The following AGAP3 variants were observed in gnomAD, a reference collection of about 807,000 sequenced individuals.
AGAP3 encodes ArfGAP with GTPase domain, ankyrin repeat and PH domain 3, also known as arf-GAP with GTPase, ANK repeat and PH domain-containing protein 3.
In AGAP3, 24 loss-of-function variants were observed where a neutral mutation model predicts 96.9. The observed-to-expected ratio is 0.25, with a 90% CI of 0.18 to 0.35. The LOEUF (loss-of-function observed/expected upper bound fraction) is 0.35, where lower values mean the gene tolerates loss of function less well. AGAP3 is among the 10% of genes least tolerant of loss of function. AGAP3 has a pLI of 1.00. For missense variants in AGAP3, 876 were observed against 1,254.2 expected, an observed-to-expected ratio of 0.70 and a Z score of 4.55; for synonymous variants, 563 against 536.1, an observed-to-expected ratio of 1.05 and a Z score of -0.69.
chr7:151,094,218 G>C (rs1798508741), intron 1 of AGAP3, among the ~76,000 whole-genome samples: 1 of 130,290 alleles, frequency 7.7e-6, no homozygotes, highest in Non-Finnish European at 1.6e-5. Flanking sequence ...TGAAATATCA[G>C]GCATTATTCT....
intron 1 of AGAP3, among the ~76,000 whole-genome samples, chr7:151,094,470 G>A (rs1295742333): frequency 6.8e-6 from 1 of 146,306 alleles, no homozygotes; most frequent in Non-Finnish European, 1.5e-5. Context: ...TTCTTCATCT[G>A]ATACGTAAGA....
chr7:151,094,931 G>C (rs138157674), intron 1 of AGAP3, among the ~76,000 whole-genome samples: 1 of 151,532 alleles, frequency 6.6e-6, no homozygotes, highest in Admixed American at 6.6e-5. Flanking sequence ...CTGGAGTGTA[G>C]TGACGCGATC....
In AGAP3 at chr7:151,134,382, C is replaced by T. The variant is rs1378608539; in HGVS notation, c.1327-18C>T. ...GCTGCTAACCAGTCTTCATCTGTCTCTCCCACCCGGCCTGCAGGATTACAT... is the reference window on the plus strand; with the variant it reads ...GCTGCTAACCAGTCTTCATCTGTCTTTCCCACCCGGCCTGCAGGATTACAT... On this transcript the variant is annotated intron_variant, in intron 10 of 17. Transcript: ENST00000397238. The T allele has an allele frequency of 1.2e-6, 2 of 1,613,266 alleles. No homozygotes were observed.
At chr7:151,106,570 C>T (rs927432552) in intron 1 of AGAP3, among the ~76,000 whole-genome samples, 1 of 152,142 alleles carries the variant, frequency 6.6e-6, no homozygotes, top group Non-Finnish European at 1.5e-5. Context: ...CTTCTCCTCC[C>T]GGGTTCAAGC....
In AGAP3 at chr7:151,117,770, C is replaced by A; in HGVS notation, c.699C>A (p.Gly233=). The A allele has an allele frequency of 6.2e-7, 1 of 1,613,466 alleles. No homozygotes were observed. Residue 233 remains glycine, a synonymous_variant, in exon 5 of 18, where the codon GGC becomes GGA. Coordinates refer to ENST00000397238, the MANE Select transcript of AGAP3 (RefSeq NM_031946.7). ...GCGAGGTGCCCATGGTGCTTGTGGG[C>A]ACGCAGGGTGAGGCGGGGCCCTGCA... ...NASEVPMVLV[G]TQDAISAANP... is the part of the protein sequence containing the mutation.
chr7:151,129,469 C>T (rs1194273426), intron 10 of AGAP3, among the ~76,000 whole-genome samples: 1 of 152,178 alleles, frequency 6.6e-6, no homozygotes, highest in African/African-American at 2.4e-5. Flanking sequence ...ACCGCCCAGA[C>T]AGCCCTGCGG....
chr7:151,115,169 C>T, intron 1 of AGAP3: 1 of 1,018,106 alleles, frequency 9.8e-7, no homozygotes. Flanking sequence ...TGGAGGTGAA[C>T]CGCCTGGAGC....
rs1799464598 is a variant in AGAP3, at chr7:151,114,800, C to A, written c.332-1993C>A. The stretch of plus-strand genomic sequence containing the variant: ...AGCGGGGCTGGCCGCAGGGGGACAG[C>A]TGTCCCGGGGAGCGGCCCGCCGCTT... On this transcript the variant is annotated intron_variant, in intron 1 of 17. Transcript: ENST00000397238. This position sits in a 1 kb window ranked among gnomAD's most constrained non-coding sequence, Gnocchi z 4.4. 2 of 1,049,036 alleles carry A rather than the reference C, an allele frequency of 1.9e-6. No homozygotes were observed. Among genetic ancestry groups the A allele is most frequent in the Non-Finnish European group, 2.3e-6 (2 of 872,968 alleles). 65.0% of individuals were successfully genotyped at this position (1,049,036 alleles called of 1,614,324 possible).
Position 151,141,840 on chromosome 7 carries a change from A to G in AGAP3, c.1805-58A>G. 1.2e-6 allele frequency: 2 copies of G among 1,603,358 alleles called. No individual in the cohort carries two copies. Among genetic ancestry groups the G allele is most frequent in the East Asian group, 2.2e-5 (1 of 44,834 alleles). On this transcript the variant is annotated intron_variant, in intron 13 of 17. Transcript: ENST00000397238. This position sits in a 1 kb window ranked among gnomAD's most constrained non-coding sequence, Gnocchi z 4.2. ...TAGTGAGTGGAGTTGTGGCGATAGC[A>G]TGCCCTGGGTGTGCACGCAGGCCAG...
intron 9 of AGAP3, among the ~76,000 whole-genome samples, chr7:151,125,707 C>G (rs1198605626): frequency 6.6e-6 from 1 of 152,250 alleles, no homozygotes; most frequent in Non-Finnish European, 1.5e-5. Flanking sequence ...CCTTGCTCCG[C>G]CCTCCTGTCC....
In AGAP3 at chr7:151,133,024, A is replaced by C. The variant is rs1276074180; in HGVS notation, c.1327-1376A>C. Among the ~76,000 whole-genome samples the C allele has an allele frequency of 6.6e-6, 1 of 152,160 alleles. No individual in the cohort carries two copies. ...GGTAAAGGTGAAGGCCGGGCTCCTC[A>C]GGGTAGGAGGAGCGCGTCTGGGAAG... On this transcript the variant is annotated intron_variant, in intron 10 of 17. Coordinates refer to ENST00000397238, the MANE Select transcript of AGAP3 (RefSeq NM_031946.7). This position sits in a 1 kb window ranked among gnomAD's most constrained non-coding sequence, Gnocchi z 5.4.
At chr7:151,126,850 G>C (rs964635401) in intron 9 of AGAP3, among the ~76,000 whole-genome samples, 1 of 152,218 alleles carries the variant, frequency 6.6e-6, no homozygotes, top group Non-Finnish European at 1.5e-5. Flanking sequence ...CCCCTTTTGA[G>C]GATAGGGTCT....
At chr7:151,117,855 T>G in intron 5 of AGAP3, 78 bp downstream of exon 5, 2 of 1,500,700 alleles carry the variant, frequency 1.3e-6, no homozygotes, top group Non-Finnish European at 1.8e-6. Flanking sequence ...GGTGGGCAGG[T>G]GTGAGAAAGC....
chr7:151,142,906 G>A lies in AGAP3; in HGVS notation c.2273+272G>A, dbSNP rs925464821. Reference sequence around the variant, plus strand: ...CCCCTATCACGGTGTGGTGCAGAGCGCCCACTCCGGAGCTCTGAGATGGGG... The same window carrying A: ...CCCCTATCACGGTGTGGTGCAGAGCACCCACTCCGGAGCTCTGAGATGGGG... On this transcript the variant is annotated intron_variant, in intron 16 of 17. Coordinates refer to ENST00000397238, the MANE Select transcript of AGAP3 (RefSeq NM_031946.7). This position sits in a 1 kb window ranked among gnomAD's most constrained non-coding sequence, Gnocchi z 7.5. 3.0e-4 allele frequency among the ~76,000 whole-genome samples: 45 copies of A among 152,210 alleles called. No homozygotes were observed. The highest frequency in any genetic ancestry group is 2.7e-3 in the Admixed American group (42 of 15,292).
chr7:151,087,320 T>C (rs13239507), intron 1 of AGAP3: 189,749 of 528,512 alleles, frequency 0.36, 38,039 homozygotes, highest in East Asian at 0.6. Flanking sequence ...GTGGTGTCGC[T>C]TGGGGGGGCC....
chr7:151,132,651 C>A (rs574554340), intron 10 of AGAP3, among the ~76,000 whole-genome samples: 6 of 152,312 alleles, frequency 3.9e-5, no homozygotes, highest in African/African-American at 1.4e-4. Context: ...CGTGCTGATG[C>A]CAGGCCTTTC....
In AGAP3 at chr7:151,118,530, A is replaced by G; in HGVS notation, c.867A>G (p.Arg289=). 6.2e-7 allele frequency: 1 copy of G among 1,614,130 alleles called. No homozygotes were observed. The highest frequency in any genetic ancestry group is 8.5e-7 in the Non-Finnish European group (1 of 1,180,010). ...TGGCCCAGAAGGTAGTGGCCTTGCGAAAGAAGCAGCAACTGGCCATCGGGC... is the reference window on the plus strand; with the variant it reads ...TGGCCCAGAAGGTAGTGGCCTTGCGGAAGAAGCAGCAACTGGCCATCGGGC... ...QDVAQKVVAL[R]KKQQLAIGPC... is the part of the protein sequence containing the mutation. The change falls in exon 7 of 18, where the codon CGA becomes CGG. Residue 289 remains arginine, a synonymous_variant. Transcript: ENST00000397238. This position sits in a 1 kb window ranked among gnomAD's most constrained non-coding sequence, Gnocchi z 6.1.
In AGAP3 at chr7:151,118,057, G is replaced by A; in HGVS notation, c.707-153G>A. 1 of 1,084,794 alleles carries A rather than the reference G, an allele frequency of 9.2e-7. No homozygotes were observed. Among genetic ancestry groups the A allele is most frequent in the South Asian group, 1.7e-5 (1 of 60,292 alleles). 67.2% of individuals were successfully genotyped at this position (1,084,794 alleles called of 1,614,324 possible). On this transcript the variant is annotated intron_variant, in intron 5 of 17. Coordinates refer to ENST00000397238, the MANE Select transcript of AGAP3 (RefSeq NM_031946.7). This position sits in a 1 kb window ranked among gnomAD's most constrained non-coding sequence, Gnocchi z 6.1. Reference sequence around the variant, plus strand: ...TTGCACTCAGTGAGGCCATGGAAGGGTTGAAATGAGACCCAGGCACCCGCG... The same window carrying A: ...TTGCACTCAGTGAGGCCATGGAAGGATTGAAATGAGACCCAGGCACCCGCG...
At chr7:151,127,737 A>G (rs1800237134) in intron 9 of AGAP3, among the ~76,000 whole-genome samples, 2 of 152,176 alleles carry the variant, frequency 1.3e-5, no homozygotes, top group Admixed American at 1.3e-4. Flanking sequence ...TTCTCACTAG[A>G]GGAGTAGGTT....
Sources: allele counts gnomAD v4.1 joint callset (sites outside exome capture counted in the v4.1 genomes callset), GRCh38; gene constraint gnomAD v4.1.1; non-coding constraint Gnocchi (gnomAD v3.1); transcripts MANE v1.5; gene names NCBI Gene and HGNC (gene_info 2026-07-23, HGNC 2026-07-21).